GLO1: variants seen among roughly 807,000 people sequenced by gnomAD.
The protein encoded by GLO1 is lactoylglutathione lyase.
Under a neutral mutation model 26.0 loss-of-function variants are expected in GLO1, and 28 were observed. The ratio of observed to expected loss-of-function variants is 1.08; its 90% CI spans 0.80 to 1.48. The LOEUF is 1.48. Among genes scored for constraint, GLO1 ranks in the 40% most tolerant of loss-of-function variants. The pLI is 0.00. For missense variants in GLO1, 225 were observed against 224.8 expected, an observed-to-expected ratio of 1.00 and a Z score of -0.01; for synonymous variants, 78 against 77.6, an observed-to-expected ratio of 1.00 and a Z score of -0.03.
chr6:38,695,289 T>C (rs1054234501), intron 1 of GLO1, among the ~76,000 whole-genome samples: 1 of 152,158 alleles, frequency 6.6e-6, no homozygotes, highest in African/African-American at 2.4e-5. Context: ...TAGGTGTTAC[T>C]ATATATGTAT....
chr6:38,698,479 TTTTTTATA>T (rs1434234938), intron 1 of GLO1, among the ~76,000 whole-genome samples: 2 of 147,662 alleles, frequency 1.4e-5, no homozygotes, highest in East Asian at 3.9e-4. Flanking sequence ...TATATATTAA[TTTTTTATA>T]TTTTTATATA....
chr6:38,697,679 C>T (rs538968828), intron 1 of GLO1, among the ~76,000 whole-genome samples: 6 of 152,108 alleles, frequency 3.9e-5, no homozygotes, highest in Admixed American at 6.6e-5. Context: ...AGGGAGTTAA[C>T]GAAAAGTCAA....
intron 2 of GLO1, among the ~76,000 whole-genome samples, chr6:38,686,102 G>A (rs1761457036): frequency 6.6e-6 from 1 of 151,914 alleles, no homozygotes; most frequent in Non-Finnish European, 1.5e-5. Flanking sequence ...CCTTTTTCTA[G>A]AAAAAAATCA....
In GLO1 at chr6:38,677,196, G is replaced by C. The variant is rs982352377; in HGVS notation, c.*99C>G. ...ATGGACTGAAGAATAATTTGAATCG[G>C]GACAGTGATCCATCAGTCCTAGATG... On this transcript the variant is annotated 3_prime_UTR_variant, in exon 6 of 6. Coordinates refer to ENST00000373365, the MANE Select transcript of GLO1 (RefSeq NM_006708.3). 1 of 744,836 alleles carries C rather than the reference G, an allele frequency of 1.3e-6. No homozygotes were observed. Among genetic ancestry groups the C allele is most frequent in the Non-Finnish European group, 2.4e-6 (1 of 411,526 alleles). The allele number at this position is 744,836 out of a possible 1,614,324, so 46.1% of individuals were successfully genotyped here.
chr6:38,690,163 G>T (rs1761510987), intron 1 of GLO1, among the ~76,000 whole-genome samples: 1 of 152,076 alleles, frequency 6.6e-6, no homozygotes, highest in Non-Finnish European at 1.5e-5. Flanking sequence ...ATGTACAAAG[G>T]CATCCATCAC....
At chr6:38,682,961 T>A in intron 3 of GLO1, 86 bp from the exon 4 acceptor site, 1 of 814,326 alleles carries the variant, frequency 1.2e-6, no homozygotes, top group Non-Finnish European at 2.2e-6. Context: ...TCTTACCACG[T>A]TTATATGCTA....
At chr6:38,692,039 G>T (rs1761538791) in intron 1 of GLO1, among the ~76,000 whole-genome samples, 1 of 152,144 alleles carries the variant, frequency 6.6e-6, no homozygotes, top group East Asian at 1.9e-4. Context: ...AAAATGGTTT[G>T]TTATTCTAGT....
At chr6:38,687,410 T>C (rs1204761140) in intron 1 of GLO1, among the ~76,000 whole-genome samples, 1 of 152,258 alleles carries the variant, frequency 6.6e-6, no homozygotes, top group Non-Finnish European at 1.5e-5. Context: ...CTAGTCTGCT[T>C]TGGGGCTACC....
chr6:38,701,958 T>G, intron 1 of GLO1, among the ~76,000 whole-genome samples: 1 of 147,500 alleles, frequency 6.8e-6, no homozygotes, highest in African/African-American at 2.5e-5. Context: ...TTAGACAGAG[T>G]CTCACTCTGT....
chr6:38,691,243 TAAG>T (rs757383709), intron 1 of GLO1, among the ~76,000 whole-genome samples: 7 of 152,132 alleles, frequency 4.6e-5, no homozygotes, highest in Non-Finnish European at 7.4e-5. Flanking sequence ...ATAGAAATAA[TAAG>T]GTTTTTTTCG....
At chr6:38,686,612 G>T (rs536592928) in intron 2 of GLO1, among the ~76,000 whole-genome samples, 6 of 152,296 alleles carry the variant, frequency 3.9e-5, no homozygotes, top group African/African-American at 1.4e-4. Flanking sequence ...ACATCAAAAG[G>T]GGTCTGAACA....
intron 1 of GLO1, among the ~76,000 whole-genome samples, chr6:38,700,560 A>G (rs144244067): frequency 6.6e-6 from 1 of 152,202 alleles, no homozygotes; most frequent in African/African-American, 2.4e-5. Flanking sequence ...ACCCCATTCC[A>G]CTAATGCTAC....
At chr6:38,689,283 A>G (rs1761500152) in intron 1 of GLO1, among the ~76,000 whole-genome samples, 1 of 152,194 alleles carries the variant, frequency 6.6e-6, no homozygotes, top group Non-Finnish European at 1.5e-5. Flanking sequence ...ATTATGAGAT[A>G]ATATATTTCC....
At chr6:38,698,752 T>A (rs1282891383) in intron 1 of GLO1, among the ~76,000 whole-genome samples, 1 of 142,982 alleles carries the variant, frequency 7.0e-6, no homozygotes, top group Non-Finnish European at 1.5e-5. Context: ...TTGCCCAAAA[T>A]GTGACATAGC....
intron 3 of GLO1, chr6:38,683,078 A>T: frequency 1.9e-6 from 1 of 534,194 alleles, no homozygotes; most frequent in Non-Finnish European, 3.3e-6. Flanking sequence ...GACAGTAAAT[A>T]CAGGTACTGG....
chr6:38,697,666 A>T (rs1761631706), intron 1 of GLO1, among the ~76,000 whole-genome samples: 1 of 152,244 alleles, frequency 6.6e-6, no homozygotes, highest in Non-Finnish European at 1.5e-5. Context: ...TTTCTGGGAA[A>T]CTAGGGAGTT....
chr6:38,694,046 C>G (rs1371061109), intron 1 of GLO1, among the ~76,000 whole-genome samples: 1 of 152,098 alleles, frequency 6.6e-6, no homozygotes, highest in African/African-American at 2.4e-5. Flanking sequence ...CCCAAGACTT[C>G]CTTTGTAATC....
intron 1 of GLO1, among the ~76,000 whole-genome samples, chr6:38,694,213 G>A (rs993160577): frequency 6.6e-6 from 1 of 152,042 alleles, no homozygotes; most frequent in African/African-American, 2.4e-5. Flanking sequence ...TTAGGACCCA[G>A]GGCATGGTCT....
chr6:38,692,815 A>G (rs1468283106), intron 1 of GLO1, among the ~76,000 whole-genome samples: 1 of 150,352 alleles, frequency 6.7e-6, no homozygotes, highest in Non-Finnish European at 1.5e-5. Context: ...TACCCTCTTA[A>G]TATGGTGGAT....
Sources: allele counts gnomAD v4.1 joint callset (sites outside exome capture counted in the v4.1 genomes callset), GRCh38; gene constraint gnomAD v4.1.1; transcripts MANE v1.5; gene names NCBI Gene and HGNC (gene_info 2026-07-23, HGNC 2026-07-21).